The following CSMD1 variants were observed in gnomAD, a reference collection of about 807,000 sequenced individuals.
CSMD1 encodes the protein CUB and Sushi multiple domains 1.
A neutral mutation model predicts 417.5 loss-of-function variants in CSMD1; 213 were observed. The observed-to-expected ratio is 0.51, with a 90% confidence interval of 0.46 to 0.57. CSMD1 has a LOEUF of 0.57. Ranked by LOEUF, CSMD1 falls within the 20% of genes least tolerant of loss-of-function variation. The pLI, the probability that CSMD1 is intolerant of heterozygous loss-of-function variation, is 0.00. For missense variants in CSMD1, 6,923 were observed against 4,529.7 expected, an observed-to-expected ratio of 1.53 and a Z score of -15.17; for synonymous variants, 2,862 against 1,736.8, an observed-to-expected ratio of 1.65 and a Z score of -16.11.
At chr8:3,156,442 C>G (rs949244430) in intron 39 of CSMD1, among the ~76,000 whole-genome samples, 4 of 152,100 alleles carry the variant, frequency 2.6e-5, no homozygotes, top group Non-Finnish European at 5.9e-5. Context: ...GTCTCTGTCA[C>G]CAAAGCCTTT....
At position 3,950,437 on chromosome 8, in the gene CSMD1, G is replaced by A. The variant is rs79161602; in HGVS notation, c.818+47466C>T. 4.1e-3 allele frequency among the ~76,000 whole-genome samples: 617 copies of A among 152,258 alleles called. 3 individuals are homozygous for A. The highest frequency in any genetic ancestry group is 0.014 in the African/African-American group (580 of 41,554). Reference sequence around the variant, plus strand: ...TAAGTAGCAGAAGAGAGGTTCTTCTGGATCTCCAACGCATGAGTGGTTCAG... The same window carrying A: ...TAAGTAGCAGAAGAGAGGTTCTTCTAGATCTCCAACGCATGAGTGGTTCAG... On this transcript the variant is annotated intron_variant, in intron 5 of 69. Transcript: ENST00000635120.
chr8:4,381,367 C>A (rs1478377797), intron 3 of CSMD1, among the ~76,000 whole-genome samples: 1 of 152,026 alleles, frequency 6.6e-6, no homozygotes, highest in Non-Finnish European at 1.5e-5. Flanking sequence ...ACCCTATGAC[C>A]CTGTGGCTGT....
intron 68 of CSMD1, among the ~76,000 whole-genome samples, chr8:2,947,235 G>A (rs1554468987): frequency 6.6e-6 from 1 of 152,100 alleles, no homozygotes; most frequent in Non-Finnish European, 1.5e-5. Flanking sequence ...TCTTACGCAA[G>A]TTTTTGCATT....
At chr8:4,348,264 G>A (rs1462048276) in intron 3 of CSMD1, among the ~76,000 whole-genome samples, 1 of 152,056 alleles carries the variant, frequency 6.6e-6, no homozygotes, top group Non-Finnish European at 1.5e-5. Flanking sequence ...TCATGTCTAA[G>A]GGGAAGGTAG....
At chr8:4,565,739 AAAATATATACATATATAT>A (rs1346537600) in intron 2 of CSMD1, among the ~76,000 whole-genome samples, 1 of 123,286 alleles carries the variant, frequency 8.1e-6, no homozygotes, top group Non-Finnish European at 1.6e-5. Flanking sequence ...CACCTTAAAA[AAAATATATACATATATAT>A]ATATATATAT....
At chr8:3,155,361 T>A (rs1819457772) in intron 39 of CSMD1, among the ~76,000 whole-genome samples, 1 of 26,928 alleles carries the variant, frequency 3.7e-5, no homozygotes, top group Admixed American at 4.3e-4. Flanking sequence ...AGGCTGGGAT[T>A]TTTTTTTTTT....
At chr8:4,077,295 G>GTACATATATATATATATATA (rs1253192594) in intron 3 of CSMD1, among the ~76,000 whole-genome samples, 13 of 88,910 alleles carry the variant, frequency 1.5e-4, no homozygotes, top group African/African-American at 5.6e-4. Context: ...ATATATATAT[G>GTACATATATATATATATATA]TGTATATATA....
intron 5 of CSMD1, among the ~76,000 whole-genome samples, chr8:3,893,123 A>C (rs1807098077): frequency 6.6e-6 from 1 of 151,782 alleles, no homozygotes; most frequent in African/African-American, 2.4e-5. Flanking sequence ...TGACAAAATC[A>C]TCCTCACACA....
chr8:4,030,911 T>C (rs112978485), intron 4 of CSMD1, among the ~76,000 whole-genome samples: 1 of 152,284 alleles, frequency 6.6e-6, no homozygotes, highest in South Asian at 2.1e-4. Flanking sequence ...CACAACTCTC[T>C]AGGGCAGGGG....
intron 3 of CSMD1, among the ~76,000 whole-genome samples, chr8:4,193,897 A>G (rs1799184359): frequency 6.6e-6 from 1 of 151,772 alleles, no homozygotes; most frequent in African/African-American, 2.4e-5. Context: ...CACCTCCACG[A>G]AGGAAAGCGG....
At chr8:4,095,890 A>C (rs991004968) in intron 3 of CSMD1, among the ~76,000 whole-genome samples, 9 of 152,212 alleles carry the variant, frequency 5.9e-5, no homozygotes, top group African/African-American at 1.9e-4. Context: ...TTAAGAGTAG[A>C]AACTTTATAC....
intron 7 of CSMD1, among the ~76,000 whole-genome samples, chr8:3,654,353 C>T (rs1798000092): frequency 6.6e-6 from 1 of 152,130 alleles, no homozygotes; most frequent in Non-Finnish European, 1.5e-5. Context: ...TTTGATGTCA[C>T]ATTGAAATCA....
At chr8:4,987,338 T>C (rs374961462) in intron 1 of CSMD1, among the ~76,000 whole-genome samples, 4 of 152,202 alleles carry the variant, frequency 2.6e-5, no homozygotes, top group African/African-American at 9.6e-5. Flanking sequence ...TTGACAGCTA[T>C]AATGATAACG....
chr8:3,721,381 A>G (rs1410094772), intron 6 of CSMD1, among the ~76,000 whole-genome samples: 1 of 152,138 alleles, frequency 6.6e-6, no homozygotes, highest in Non-Finnish European at 1.5e-5. Flanking sequence ...CAACGTCTCT[A>G]GCCCAGGTTT....
chr8:3,299,936 T>C (rs1021021157), intron 25 of CSMD1, among the ~76,000 whole-genome samples: 10 of 152,176 alleles, frequency 6.6e-5, no homozygotes, highest in East Asian at 1.9e-4. Flanking sequence ...GTAATGGCTA[T>C]AAAAATTGAA....
intron 5 of CSMD1, among the ~76,000 whole-genome samples, chr8:3,883,542 A>G (rs903375880): frequency 2.0e-5 from 3 of 152,198 alleles, no homozygotes; most frequent in Middle Eastern, 3.2e-3. Context: ...GTACTATTTA[A>G]TAACTAAAGC....
intron 10 of CSMD1, among the ~76,000 whole-genome samples, chr8:3,567,658 A>C (rs1456198294): frequency 2.0e-5 from 3 of 152,032 alleles, no homozygotes; most frequent in Non-Finnish European, 4.4e-5. Flanking sequence ...TTGTTTACCG[A>C]CAATATTCCC....
chr8:3,715,206 C>T (rs1394894005), intron 6 of CSMD1, among the ~76,000 whole-genome samples: 1 of 152,158 alleles, frequency 6.6e-6, no homozygotes, highest in Non-Finnish European at 1.5e-5. Flanking sequence ...TATAGTTAAA[C>T]ACCCTAAGAC....
At chr8:4,161,919 C>T (rs905775533) in intron 3 of CSMD1, among the ~76,000 whole-genome samples, 2 of 152,022 alleles carry the variant, frequency 1.3e-5, no homozygotes, top group Admixed American at 6.6e-5. Context: ...AGTTCATATC[C>T]CTTTCGTTTA....
Sources: gnomAD v4.1 joint callset for allele counts (sites outside exome capture counted in the v4.1 genomes callset) on GRCh38, gnomAD v4.1.1 for gene constraint, MANE v1.5 for transcripts, NCBI Gene and HGNC (gene_info 2026-07-23, HGNC 2026-07-21) for gene names.